The following ADCK1 variants were observed in gnomAD, a reference collection of about 807,000 sequenced individuals.
ADCK1 encodes aarF domain-containing protein kinase 1.
A neutral mutation model predicts 52.3 loss-of-function variants in ADCK1; 41 were observed. The observed-to-expected ratio is 0.78, with a 90% CI of 0.61 to 1.02. The LOEUF (loss-of-function observed/expected upper bound fraction) is 1.02, where lower values mean the gene tolerates loss of function less well. Among genes scored for constraint, ADCK1 ranks in the 50% least tolerant of loss-of-function variants. The probability of loss-of-function intolerance (pLI) is 0.00; values close to 1 mark genes in which losing one functional copy is unlikely to be tolerated. For missense variants in ADCK1, 658 were observed against 679.5 expected, an observed-to-expected ratio of 0.97 and a Z score of 0.35; for synonymous variants, 250 against 274.6, an observed-to-expected ratio of 0.91 and a Z score of 0.89.
chr14:77,827,395 G>C (rs1367581774), intron 3 of ADCK1, among the ~76,000 whole-genome samples: 4 of 146,462 alleles, frequency 2.7e-5, no homozygotes, highest in African/African-American at 1.0e-4. Context: ...TGAGTCCCTA[G>C]ATCTAGCTGA....
chr14:77,898,155 G>A lies in ADCK1; in HGVS notation c.583-945G>A, dbSNP rs372484680. ...CATATCTGTAATCCCAGCCACTCAGGAGGCTGAGGTGGGAGGATCACTTGA... is the reference window on the plus strand; with the variant it reads ...CATATCTGTAATCCCAGCCACTCAGAAGGCTGAGGTGGGAGGATCACTTGA... On this transcript the variant is annotated intron_variant, in intron 5 of 10. Transcript: ENST00000238561. Among the ~76,000 whole-genome samples, 47 of 152,298 alleles carry A rather than the reference G, an allele frequency of 3.1e-4. No individual in the cohort carries two copies. In the Middle Eastern group the frequency reaches 0.01, roughly 33 times the overall value.
intron 4 of ADCK1, among the ~76,000 whole-genome samples, chr14:77,879,242 G>A (rs1280486464): frequency 2.0e-5 from 3 of 152,232 alleles, no homozygotes; most frequent in Admixed American, 1.3e-4. Flanking sequence ...ACCATCAGGT[G>A]TAAGGTGCTT....
chr14:77,916,492 C>G (rs2083927826), intron 7 of ADCK1, among the ~76,000 whole-genome samples: 1 of 152,216 alleles, frequency 6.6e-6, no homozygotes, highest in African/African-American at 2.4e-5. Flanking sequence ...TTTTCACTCT[C>G]ACCCAGGCTG....
chr14:77,882,724 T>C (rs1437786626), intron 4 of ADCK1, among the ~76,000 whole-genome samples: 2 of 151,588 alleles, frequency 1.3e-5, no homozygotes, highest in African/African-American at 4.8e-5. Context: ...CTTATTTTGG[T>C]CTTGGCCAGT....
At chr14:77,862,895 G>A (rs1024845244) in intron 4 of ADCK1, among the ~76,000 whole-genome samples, 2 of 152,178 alleles carry the variant, frequency 1.3e-5, no homozygotes, top group African/African-American at 4.8e-5. Context: ...AGGTTGCCTT[G>A]GGCAGATGGA....
chr14:77,899,347 A>G, intron 6 of ADCK1, 89 bp downstream of exon 6: 1 of 1,519,838 alleles, frequency 6.6e-7, no homozygotes, highest in Non-Finnish European at 9.0e-7. Context: ...CCCTTTCAGG[A>G]CATAATTGGG....
intron 6 of ADCK1, chr14:77,900,622 A>C (rs1270666314): frequency 2.2e-6 from 1 of 455,918 alleles, no homozygotes; most frequent in Non-Finnish European, 4.4e-6. Flanking sequence ...GAAATGGGAC[A>C]GAAAGTTGTA....
chr14:77,822,349 T>A, intron 2 of ADCK1, 86 bp from the exon 3 acceptor site: 1 of 1,075,122 alleles, frequency 9.3e-7, no homozygotes, highest in Non-Finnish European at 1.4e-6. Context: ...AGCAGCTGTG[T>A]CAGGGACCTG....
At chr14:77,913,877 T>G (rs2140271917) in intron 7 of ADCK1, among the ~76,000 whole-genome samples, 1 of 151,936 alleles carries the variant, frequency 6.6e-6, no homozygotes, top group South Asian at 2.1e-4. Context: ...GTGCCAGAGC[T>G]CCTCAGTGGT....
At chr14:77,910,611 A>T (rs1281701356) in intron 7 of ADCK1, among the ~76,000 whole-genome samples, 1 of 152,190 alleles carries the variant, frequency 6.6e-6, no homozygotes, top group Admixed American at 6.5e-5. Flanking sequence ...TTTTCATTCC[A>T]GCAACACCCT....
At chr14:77,926,210 G>A (rs2084189986) in intron 9 of ADCK1, among the ~76,000 whole-genome samples, 1 of 152,204 alleles carries the variant, frequency 6.6e-6, no homozygotes, top group Non-Finnish European at 1.5e-5. Context: ...GGAGGAAACA[G>A]GTGCACATTA....
At chr14:77,822,555 G>A (rs1239993942) in intron 3 of ADCK1, 37 bp downstream of exon 3, 1 of 1,546,176 alleles carries the variant, frequency 6.5e-7, no homozygotes, top group South Asian at 1.1e-5. Flanking sequence ...GCCAGGCCAG[G>A]ACTGGATAAC....
At chr14:77,883,169 A>C (rs1163060387) in intron 4 of ADCK1, among the ~76,000 whole-genome samples, 1 of 152,112 alleles carries the variant, frequency 6.6e-6, no homozygotes, top group Non-Finnish European at 1.5e-5. Flanking sequence ...ATTAAAATGC[A>C]GTTGTTTTAC....
intron 1 of ADCK1, among the ~76,000 whole-genome samples, chr14:77,815,345 T>A (rs2081424570): frequency 6.6e-6 from 1 of 151,636 alleles, no homozygotes; most frequent in South Asian, 2.1e-4. Flanking sequence ...AGCTGGGACT[T>A]ATAGGCGTAG....
chr14:77,831,746 T>G (rs2081855009), intron 3 of ADCK1, among the ~76,000 whole-genome samples: 1 of 151,914 alleles, frequency 6.6e-6, no homozygotes, highest in African/African-American at 2.4e-5. Context: ...TGAGCCACAA[T>G]GCCCAGCCTC....
chr14:77,826,323 C>T (rs1004629482), intron 3 of ADCK1, among the ~76,000 whole-genome samples: 1 of 152,214 alleles, frequency 6.6e-6, no homozygotes, highest in African/African-American at 2.4e-5. Context: ...GTTATCTCAA[C>T]TGTCAAGCCA....
In ADCK1 at chr14:77,854,387, C is replaced by A. The variant is rs372999254; in HGVS notation, c.220-4689C>A. Among the ~76,000 whole-genome samples, 41 of 152,280 alleles carry A rather than the reference C, an allele frequency of 2.7e-4. No homozygotes were observed. In the South Asian group the frequency reaches 8.3e-3, roughly 31 times the overall value. The stretch of plus-strand genomic sequence containing the variant: ...GCAGATGGTATTTACAGCCATGATA[C>A]TGGATGAGATCCCCAAGGGAGTATA... On this transcript the variant is annotated intron_variant, in intron 3 of 10. Coordinates refer to ENST00000238561, the MANE Select transcript of ADCK1 (RefSeq NM_020421.4).
chr14:77,806,083 G>A (rs2081219754), intron 1 of ADCK1, among the ~76,000 whole-genome samples: 1 of 150,412 alleles, frequency 6.6e-6, no homozygotes, highest in South Asian at 2.1e-4. Context: ...GGCTGAGGTG[G>A]GCGGATTGCT....
At chr14:77,845,799 C>T (rs1207630570) in intron 3 of ADCK1, among the ~76,000 whole-genome samples, 2 of 152,200 alleles carry the variant, frequency 1.3e-5, no homozygotes, top group African/African-American at 4.8e-5. Flanking sequence ...CCCCTGCTCA[C>T]TCCCTCTGCA....
Sources: allele counts gnomAD v4.1 joint callset (sites outside exome capture counted in the v4.1 genomes callset), GRCh38; gene constraint gnomAD v4.1.1; transcripts MANE v1.5; gene names NCBI Gene and HGNC (gene_info 2026-07-23, HGNC 2026-07-21).